PRKCE: variants seen among roughly 807,000 people sequenced by gnomAD.
The protein encoded by PRKCE is protein kinase C epsilon.
A neutral mutation model predicts 85.4 loss-of-function variants in PRKCE; 16 were observed. The ratio of observed to expected loss-of-function variants is 0.19; its 90% CI spans 0.13 to 0.28. The LOEUF (loss-of-function observed/expected upper bound fraction) is 0.28, where lower values mean the gene tolerates loss of function less well. PRKCE is among the 10% of genes least tolerant of loss of function. The probability of loss-of-function intolerance (pLI) is 1.00; values close to 1 mark genes in which losing one functional copy is unlikely to be tolerated. For synonymous variants in PRKCE, 388 were observed against 371.5 expected (o/e 1.04, Z -0.51); for missense variants, 573 against 975.2 (o/e 0.59, Z 5.49).
intron 10 of PRKCE, among the ~76,000 whole-genome samples, chr2:46,050,429 G>C (rs1370911829): frequency 6.6e-6 from 1 of 152,226 alleles, no homozygotes; most frequent in African/African-American, 2.4e-5. Flanking sequence ...TAATCACCTT[G>C]GAGTTTAATG....
intron 1 of PRKCE, among the ~76,000 whole-genome samples, chr2:45,682,154 C>G (rs938362417): frequency 6.6e-6 from 1 of 152,182 alleles, no homozygotes; most frequent in Non-Finnish European, 1.5e-5. Flanking sequence ...CTCTGACATA[C>G]AAACTGCCCA....
chr2:45,827,227 C>A (rs1428042272), intron 1 of PRKCE, among the ~76,000 whole-genome samples: 2 of 152,234 alleles, frequency 1.3e-5, no homozygotes, highest in African/African-American at 2.4e-5. Context: ...CTGCACCAGT[C>A]GGGCTGGCTT....
At chr2:45,846,973 G>A (rs1691843299) in intron 2 of PRKCE, among the ~76,000 whole-genome samples, 1 of 152,208 alleles carries the variant, frequency 6.6e-6, no homozygotes. Flanking sequence ...GCTATTCAGG[G>A]AAACTGTTCA....
intron 10 of PRKCE, among the ~76,000 whole-genome samples, chr2:46,015,030 A>G (rs574484940): frequency 2.6e-5 from 4 of 152,340 alleles, no homozygotes; most frequent in South Asian, 2.1e-4. Flanking sequence ...TCCTGCATCT[A>G]CAAGATCAGA....
intron 14 of PRKCE, among the ~76,000 whole-genome samples, chr2:46,171,774 A>G (rs1222963984): frequency 1.3e-5 from 2 of 152,054 alleles, no homozygotes; most frequent in Admixed American, 6.5e-5. Context: ...TTTTCCTCCT[A>G]AAGAAGCTAA....
Position 46,119,278 on chromosome 2 carries a change from A to AG in PRKCE, c.1593-25814dup, listed in dbSNP as rs1182313773. Among the ~76,000 whole-genome samples, 6 of 152,048 alleles carry AG rather than the reference A, an allele frequency of 3.9e-5. 1 individual carries two copies. The highest frequency in any genetic ancestry group is 1.4e-4 in the African/African-American group (6 of 41,400). ...TTTCCTTCTGTTATTTTTGTGAAAG[A>AG]GAAAAAAAAAGGGGGGGTTATTAGG... On this transcript the variant is annotated intron_variant, in intron 11 of 14. Transcript: ENST00000306156.
intron 11 of PRKCE, among the ~76,000 whole-genome samples, chr2:46,115,641 C>T (rs1356306267): frequency 6.6e-6 from 1 of 152,168 alleles, no homozygotes; most frequent in African/African-American, 2.4e-5. Flanking sequence ...TCTCTATGGG[C>T]ATCAGTGCTT....
intron 13 of PRKCE, among the ~76,000 whole-genome samples, chr2:46,158,052 A>G (rs1677391826): frequency 6.6e-6 from 1 of 152,176 alleles, no homozygotes; most frequent in African/African-American, 2.4e-5. Context: ...CCCTCACTCC[A>G]TCATCACAAT....
At chr2:45,853,201 T>A (rs1402392034) in intron 2 of PRKCE, among the ~76,000 whole-genome samples, 2 of 152,180 alleles carry the variant, frequency 1.3e-5, no homozygotes, top group African/African-American at 4.8e-5. Flanking sequence ...TGAGAAGGCA[T>A]CAGTGTTGTT....
chr2:45,889,965 C>T (rs1174597316), intron 2 of PRKCE, among the ~76,000 whole-genome samples: 1 of 152,116 alleles, frequency 6.6e-6, no homozygotes, highest in Non-Finnish European at 1.5e-5. Context: ...ATTGAAGTGC[C>T]TTTTTTCCCT....
At chr2:46,183,511 G>A (rs765633161) in intron 14 of PRKCE, among the ~76,000 whole-genome samples, 1 of 152,172 alleles carries the variant, frequency 6.6e-6, no homozygotes, top group Admixed American at 6.5e-5. Flanking sequence ...AGTATTGCTG[G>A]AGTCCCTGCC....
rs1680343252 is a variant in PRKCE, at chr2:46,184,889, C to T, written c.*8C>T. 6.3e-7 allele frequency: 1 copy of T among 1,599,560 alleles called. No homozygotes were observed. Among genetic ancestry groups the T allele is most frequent in the African/African-American group, 1.3e-5 (1 of 74,940 alleles). On this transcript the variant is annotated 3_prime_UTR_variant, in exon 15 of 15. Transcript: ENST00000306156. This position sits in a 1 kb window ranked among gnomAD's most constrained non-coding sequence, Gnocchi z 5.0. ...GAAGACCTGATGCCCTGAGAGCCCACTGCAGTTGGACTTTGCCGATGCTGC... is the reference window on the plus strand; with the variant it reads ...GAAGACCTGATGCCCTGAGAGCCCATTGCAGTTGGACTTTGCCGATGCTGC...
chr2:45,697,435 A>C lies in PRKCE; in HGVS notation c.348+44987A>C, dbSNP rs887434135. Among the ~76,000 whole-genome samples, 5 of 152,184 alleles carry C rather than the reference A, an allele frequency of 3.3e-5. No homozygotes were observed. Among genetic ancestry groups the C allele is most frequent in the Admixed American group, 3.3e-4 (5 of 15,284 alleles). On this transcript the variant is annotated intron_variant, in intron 1 of 14. Transcript: ENST00000306156. This position sits in a 1 kb window ranked among gnomAD's most constrained non-coding sequence, Gnocchi z 4.2. ...GAAAATCCATTTTATTTATTTAGCC[A>C]GGACAGATAAGGACTAACAAACAAA...
chr2:45,857,604 G>A (rs947958969), intron 2 of PRKCE, among the ~76,000 whole-genome samples: 3 of 152,130 alleles, frequency 2.0e-5, no homozygotes, highest in Non-Finnish European at 4.4e-5. Context: ...TTGGAGATGA[G>A]GTCTTGCTGT....
At chr2:46,085,125 T>A (rs982924230) in intron 10 of PRKCE, among the ~76,000 whole-genome samples, 1 of 152,108 alleles carries the variant, frequency 6.6e-6, no homozygotes, top group African/African-American at 2.4e-5. Context: ...GAGCTTAGAA[T>A]ATAATAGTCA....
intron 1 of PRKCE, among the ~76,000 whole-genome samples, chr2:45,808,606 A>G (rs1688424271): frequency 6.6e-6 from 1 of 152,196 alleles, no homozygotes; most frequent in Admixed American, 6.5e-5. Context: ...GGGAGCTGCC[A>G]GGATCGGAGC....
intron 1 of PRKCE, among the ~76,000 whole-genome samples, chr2:45,691,112 T>C (rs1287788058): frequency 2.6e-5 from 4 of 152,228 alleles, no homozygotes. Flanking sequence ...GGACTAAGGT[T>C]CTAAAAGCTG....
intron 10 of PRKCE, among the ~76,000 whole-genome samples, chr2:46,083,479 A>G (rs550067854): frequency 6.6e-6 from 1 of 152,242 alleles, no homozygotes; most frequent in Non-Finnish European, 1.5e-5. Context: ...TCCTAAACAC[A>G]GTCAAGGAAA....
intron 10 of PRKCE, among the ~76,000 whole-genome samples, chr2:46,063,639 G>T (rs1244491072): frequency 6.6e-6 from 1 of 152,102 alleles, no homozygotes; most frequent in East Asian, 1.9e-4. Context: ...TTTGAAAATG[G>T]AAGTCAAGCA....
Sources: gnomAD v4.1 joint callset for allele counts (sites outside exome capture counted in the v4.1 genomes callset) on GRCh38, gnomAD v4.1.1 for gene constraint, Gnocchi (gnomAD v3.1) non-coding constraint, MANE v1.5 for transcripts, NCBI Gene and HGNC (gene_info 2026-07-23, HGNC 2026-07-21) for gene names.